ZBTB20: variants seen among roughly 807,000 people sequenced by gnomAD.
ZBTB20 encodes the protein zinc finger and BTB domain-containing protein 20.
A neutral mutation model predicts 56.9 loss-of-function variants in ZBTB20; 9 were observed. That is an observed-to-expected ratio of 0.16 (90% CI 0.10 to 0.28). ZBTB20 has a LOEUF of 0.28. Ranked by LOEUF, ZBTB20 falls within the 10% of genes least tolerant of loss-of-function variation. The pLI is 1.00. For missense variants in ZBTB20, 655 were observed against 1,003.0 expected, an observed-to-expected ratio of 0.65 and a Z score of 4.69; for synonymous variants, 417 against 420.7, an observed-to-expected ratio of 0.99 and a Z score of 0.11.
At chr3:115,130,779 G>C (rs1231949624) in intron 1 of ZBTB20, among the ~76,000 whole-genome samples, 1 of 151,974 alleles carries the variant, frequency 6.6e-6, no homozygotes. Flanking sequence ...TTTGTTTTTT[G>C]AGATGGAGTT....
chr3:114,956,668 AG>A (rs1301461025), intron 3 of ZBTB20, among the ~76,000 whole-genome samples: 1 of 152,216 alleles, frequency 6.6e-6, no homozygotes, highest in Non-Finnish European at 1.5e-5. Context: ...AAATATCCTG[AG>A]GATCCAAGAA....
intron 2 of ZBTB20, among the ~76,000 whole-genome samples, chr3:115,047,973 C>T (rs539505165): frequency 6.6e-6 from 1 of 152,172 alleles, no homozygotes; most frequent in South Asian, 2.1e-4. Flanking sequence ...GTAATCCCAG[C>T]ACTTTGGGAG....
intron 2 of ZBTB20, among the ~76,000 whole-genome samples, chr3:115,007,239 T>C (rs994584217): frequency 6.6e-6 from 1 of 151,596 alleles, no homozygotes; most frequent in African/African-American, 2.4e-5. Flanking sequence ...ATATCCTTTA[T>C]GACTTCAACT....
chr3:114,433,736 T>G (rs1449031285), intron 7 of ZBTB20, among the ~76,000 whole-genome samples: 3 of 152,156 alleles, frequency 2.0e-5, no homozygotes, highest in Non-Finnish European at 4.4e-5. Context: ...TGCTCTAGTA[T>G]AAGACAGTAT....
intron 6 of ZBTB20, among the ~76,000 whole-genome samples, chr3:114,657,487 T>C (rs1560093238): frequency 1.3e-5 from 2 of 152,242 alleles, no homozygotes; most frequent in Admixed American, 6.5e-5. Context: ...CCCACATACA[T>C]GCACAGTTTA....
chr3:114,401,590 T>A (rs2086831926), intron 7 of ZBTB20, among the ~76,000 whole-genome samples: 1 of 152,188 alleles, frequency 6.6e-6, no homozygotes, highest in Admixed American at 6.5e-5. Context: ...GCAGACTATG[T>A]AATGTCAGGC....
In ZBTB20 at chr3:114,846,130, C is replaced by A. The variant is rs569512606; in HGVS notation, c.-416-44956G>T. On this transcript the variant is annotated intron_variant, in intron 4 of 11. Transcript: ENST00000675478. ...ATAGAGAGTATAATAGGGTTGTATA[C>A]ACACCTACATATACCTATATAATGT... is the stretch of plus-strand genomic sequence containing the variant. 2.2e-4 allele frequency among the ~76,000 whole-genome samples: 34 copies of A among 152,182 alleles called. No individual in the cohort carries two copies. In the South Asian group the frequency reaches 7.1e-3, roughly 32 times the overall value.
chr3:114,830,548 CTTA>C (rs1438573875), intron 4 of ZBTB20, among the ~76,000 whole-genome samples: 1 of 151,792 alleles, frequency 6.6e-6, no homozygotes, highest in Non-Finnish European at 1.5e-5. Flanking sequence ...ACCCTGAGCA[CTTA>C]TTATGTGCCT....
At chr3:114,616,872 C>T (rs943523302) in intron 6 of ZBTB20, among the ~76,000 whole-genome samples, 3 of 152,180 alleles carry the variant, frequency 2.0e-5, no homozygotes, top group African/African-American at 7.2e-5. Context: ...AAGGCAGAAA[C>T]CTGGGAGCAA....
intron 6 of ZBTB20, among the ~76,000 whole-genome samples, chr3:114,642,889 C>T (rs2059631363): frequency 6.6e-6 from 1 of 151,990 alleles, no homozygotes; most frequent in African/African-American, 2.4e-5. Context: ...CTAGAACATA[C>T]TGTAAGCAAT....
At chr3:114,826,497 A>G (rs1357668323) in intron 4 of ZBTB20, among the ~76,000 whole-genome samples, 1 of 151,788 alleles carries the variant, frequency 6.6e-6, no homozygotes, top group African/African-American at 2.4e-5. Flanking sequence ...GCATTCATTC[A>G]CCGAATCCTT....
intron 6 of ZBTB20, among the ~76,000 whole-genome samples, chr3:114,646,352 T>C (rs1021059755): frequency 4.6e-5 from 7 of 151,094 alleles, no homozygotes; most frequent in African/African-American, 9.7e-5. Flanking sequence ...TTCTTCTGTG[T>C]AGGTAGAGTT....
intron 6 of ZBTB20, among the ~76,000 whole-genome samples, chr3:114,644,295 T>C (rs1014968540): frequency 1.2e-4 from 19 of 152,130 alleles, no homozygotes; most frequent in Non-Finnish European, 2.4e-4. Context: ...CTATTGGTAT[T>C]ATTACATCAA....
intron 4 of ZBTB20, among the ~76,000 whole-genome samples, chr3:114,808,976 C>CT (rs1264730582): frequency 3.3e-5 from 5 of 151,956 alleles, no homozygotes; most frequent in Non-Finnish European, 5.9e-5. Flanking sequence ...GACATTTTCC[C>CT]TTTTTTTCCT....
intron 7 of ZBTB20, among the ~76,000 whole-genome samples, chr3:114,485,027 G>T (rs1374649235): frequency 6.6e-6 from 1 of 152,138 alleles, no homozygotes; most frequent in Non-Finnish European, 1.5e-5. Context: ...TGATTTGGTA[G>T]CTTTTGGAAG....
Position 114,942,155 on chromosome 3 carries a change from T to C in ZBTB20, c.-456+32211A>G, listed in dbSNP as rs988287388. Among the ~76,000 whole-genome samples the C allele has an allele frequency of 2.1e-5, 3 of 145,868 alleles. 1 individual carries two copies. Among genetic ancestry groups the C allele is most frequent in the Non-Finnish European group, 4.4e-5 (3 of 67,766 alleles). ...AGTCACAGTTTAATAAATAATTTCG[T>C]TATAGCCTCCTAGTCTATCAGTATT... On this transcript the variant is annotated intron_variant, in intron 3 of 11. Transcript: ENST00000675478.
intron 5 of ZBTB20, chr3:114,759,115 G>T (rs1394414303): frequency 1.3e-5 from 2 of 152,066 alleles, no homozygotes; most frequent in Non-Finnish European, 2.9e-5. Context: ...ACTGCGTCAC[G>T]AGCACAAAAA....
At chr3:114,866,426 G>A (rs1190339193) in intron 4 of ZBTB20, among the ~76,000 whole-genome samples, 1 of 152,164 alleles carries the variant, frequency 6.6e-6, no homozygotes, top group Non-Finnish European at 1.5e-5. Context: ...CATGGGGTTT[G>A]GGGTTGTGTT....
chr3:114,698,352 A>G (rs1436099358), intron 5 of ZBTB20, among the ~76,000 whole-genome samples: 1 of 152,150 alleles, frequency 6.6e-6, no homozygotes, highest in Non-Finnish European at 1.5e-5. Flanking sequence ...CGCTAAATTG[A>G]GGAACAATAT....
Sources: gnomAD v4.1 joint callset for allele counts (sites outside exome capture counted in the v4.1 genomes callset) on GRCh38, gnomAD v4.1.1 for gene constraint, MANE v1.5 for transcripts, NCBI Gene and HGNC (gene_info 2026-07-23, HGNC 2026-07-21) for gene names.